Variants in PCDHA3 observed in about 807,000 individuals in gnomAD.
PCDHA3 encodes protocadherin alpha-3.
A neutral mutation model predicts 62.2 loss-of-function variants in PCDHA3; 41 were observed. That is an observed-to-expected ratio of 0.66 (90% CI 0.51 to 0.86). PCDHA3 has a LOEUF of 0.86. PCDHA3 is among the 40% of genes least tolerant of loss of function. The probability of loss-of-function intolerance (pLI) is 0.00; values close to 1 mark genes in which losing one functional copy is unlikely to be tolerated. For missense variants in PCDHA3, 1,304 were observed against 1,241.2 expected, an observed-to-expected ratio of 1.05 and a Z score of -0.76; for synonymous variants, 640 against 555.4, an observed-to-expected ratio of 1.15 and a Z score of -2.14.
At chr5:140,944,870 A>T (rs2093703572) in intron 1 of PCDHA3, among the ~76,000 whole-genome samples, 1 of 152,058 alleles carries the variant, frequency 6.6e-6, no homozygotes, top group Non-Finnish European at 1.5e-5. Flanking sequence ...TATCTTAACC[A>T]CCTACTCCAC....
intron 1 of PCDHA3, among the ~76,000 whole-genome samples, chr5:140,840,474 T>C (rs2150307234): frequency 6.6e-6 from 1 of 151,908 alleles, no homozygotes; most frequent in African/African-American, 2.4e-5. Flanking sequence ...GGGAAAAAAG[T>C]TTAAAGGCAT....
chr5:140,952,121 C>A (rs993598007), intron 1 of PCDHA3, among the ~76,000 whole-genome samples: 1 of 152,102 alleles, frequency 6.6e-6, no homozygotes, highest in Non-Finnish European at 1.5e-5. Context: ...GGGATGGGCT[C>A]CCAAGGCCTT....
At chr5:140,928,810 G>T (rs143843461) in intron 1 of PCDHA3, 1 of 1,614,106 alleles carries the variant, frequency 6.2e-7, no homozygotes. Context: ...AGTGGTTCGG[G>T]ACCATGGAGA....
At chr5:140,956,147 C>T (rs150480657) in intron 1 of PCDHA3, among the ~76,000 whole-genome samples, 5,358 of 152,186 alleles carry the variant, frequency 0.035, 121 homozygotes, top group Non-Finnish European at 0.052. Context: ...ATTTCTTTCT[C>T]TTTCCTAATT....
intron 3 of PCDHA3, among the ~76,000 whole-genome samples, chr5:141,007,395 C>CAAAAAAAA (rs35800918): frequency 4.0e-3 from 379 of 94,450 alleles, no homozygotes; most frequent in Non-Finnish European, 5.7e-3. Context: ...TACTAAAATA[C>CAAAAAAAA]AAAAAAAAAA....
intron 1 of PCDHA3, chr5:140,843,536 C>G: frequency 6.3e-7 from 1 of 1,595,956 alleles, no homozygotes; most frequent in Non-Finnish European, 8.6e-7. Context: ...CAAGCCCACT[C>G]TGGTGTGCTC....
chr5:140,918,496 A>G lies in PCDHA3; in HGVS notation c.2395-60453A>G, dbSNP rs79827125. Among the ~76,000 whole-genome samples the G allele has an allele frequency of 8.0e-3, 1,215 of 152,276 alleles. 6 individuals are homozygous for G. Among genetic ancestry groups the G allele is most frequent in the African/African-American group, 0.019 (784 of 41,558 alleles). On this transcript the variant is annotated intron_variant, in intron 1 of 3. Transcript: ENST00000522353. ...TCTCAAGGGGAATGCTTTGGATGGT[A>G]CCAATCCTTTTAAACTTATTGAGGA...
intron 1 of PCDHA3, among the ~76,000 whole-genome samples, chr5:140,885,621 T>G (rs528108703): frequency 1.3e-5 from 2 of 152,188 alleles, no homozygotes; most frequent in Non-Finnish European, 2.9e-5. Context: ...ATAAAATATG[T>G]CACTGGATTG....
chr5:140,848,408 A>G, intron 1 of PCDHA3: 1 of 1,352,390 alleles, frequency 7.4e-7, no homozygotes, highest in East Asian at 2.3e-5. Context: ...ACGATGGCGA[A>G]CACAGCAGAA....
chr5:140,941,175 C>G (rs1344326389), intron 1 of PCDHA3, among the ~76,000 whole-genome samples: 1 of 145,416 alleles, frequency 6.9e-6, no homozygotes, highest in Admixed American at 6.8e-5. Flanking sequence ...CCATCTTGAA[C>G]ATCCTGCTTC....
In PCDHA3 at chr5:140,978,000, T is replaced by G. The variant is rs564788160; in HGVS notation, c.2395-949T>G. 2.0e-5 allele frequency among the ~76,000 whole-genome samples: 3 copies of G among 152,212 alleles called. No homozygotes were observed. In the South Asian group the frequency reaches 6.2e-4, roughly 32 times the overall value. On this transcript the variant is annotated intron_variant, in intron 1 of 3. Coordinates refer to ENST00000522353, the MANE Select transcript of PCDHA3 (RefSeq NM_018906.3). ...AACGCATCTAGAGGAGTGTCACAAG[T>G]TTTTCACAGTGACATTTTTGCTTAC...
intron 1 of PCDHA3, chr5:140,861,672 A>G (rs1581618530): frequency 4.0e-6 from 1 of 248,596 alleles, no homozygotes; most frequent in East Asian, 1.1e-4. Context: ...GCTCTTGATT[A>G]TCGTGTTTCA....
chr5:140,966,453 C>G, intron 1 of PCDHA3: 1 of 426,310 alleles, frequency 2.3e-6, no homozygotes, highest in Non-Finnish European at 4.1e-6. Flanking sequence ...TTCCCCCTCC[C>G]CCTCTGTCTT....
chr5:141,010,152 T>C lies in PCDHA3; in HGVS notation c.*215T>C. The C allele has an allele frequency of 1.3e-6, 2 of 1,575,858 alleles. No individual in the cohort carries two copies. The highest frequency in any genetic ancestry group is 1.7e-6 in the Non-Finnish European group (2 of 1,159,570). On this transcript the variant is annotated 3_prime_UTR_variant, in exon 4 of 4. Coordinates refer to ENST00000522353, the MANE Select transcript of PCDHA3 (RefSeq NM_018906.3). ...TGGTGTTAACTCTTTCTCTCCACTCTGGCTTGTTTTCAGAACCTAAAAAGC... is the reference window on the plus strand; with the variant it reads ...TGGTGTTAACTCTTTCTCTCCACTCCGGCTTGTTTTCAGAACCTAAAAAGC...
intron 1 of PCDHA3, among the ~76,000 whole-genome samples, chr5:140,954,107 C>G (rs1375819333): frequency 2.0e-5 from 3 of 152,182 alleles, no homozygotes; most frequent in Admixed American, 1.3e-4. Flanking sequence ...CTGCAAAGGA[C>G]AAGATCTTGT....
chr5:141,005,701 CAAAAAAAAAAA>C (rs59860837), intron 3 of PCDHA3, among the ~76,000 whole-genome samples: 24 of 7,788 alleles, frequency 3.1e-3, no homozygotes, highest in African/African-American at 7.5e-3. Flanking sequence ...AACTCCGTCT[CAAAAAAAAAAA>C]AAAAAAAAAA....
chr5:140,842,452 C>G lies in PCDHA3; in HGVS notation c.2394+38861C>G, dbSNP rs1777963024. The G allele has an allele frequency of 8.1e-6, 13 of 1,613,732 alleles. 1 individual carries two copies. The highest frequency in any genetic ancestry group is 2.7e-5 in the African/African-American group (2 of 74,852). On this transcript the variant is annotated intron_variant, in intron 1 of 3. Transcript: ENST00000522353. The stretch of plus-strand genomic sequence containing the variant: ...TCGCCCTAATTAGCGTGAACGACCT[C>G]GATTCAGGTGCCAACGGGCAGGTGA...
At chr5:140,931,444 A>T (rs2087532526) in intron 1 of PCDHA3, among the ~76,000 whole-genome samples, 1 of 135,860 alleles carries the variant, frequency 7.4e-6, no homozygotes, top group Non-Finnish European at 1.6e-5. Context: ...TTAGCTATTT[A>T]AAAGGAAAAA....
At chr5:140,816,507 T>TTGTG (rs2126672374) in intron 1 of PCDHA3, 29,348 of 149,446 alleles carry the variant, frequency 0.2, 2,964 homozygotes, top group Middle Eastern at 0.24. Flanking sequence ...GGAGGTGTGT[T>TTGTG]TGTGTGTGTG....
Sources: gnomAD v4.1 joint callset for allele counts (sites outside exome capture counted in the v4.1 genomes callset) on GRCh38, gnomAD v4.1.1 for gene constraint, MANE v1.5 for transcripts, NCBI Gene and HGNC (gene_info 2026-07-23, HGNC 2026-07-21) for gene names.